The following WDFY2 variants were observed in gnomAD, a reference collection of about 807,000 sequenced individuals.
WDFY2 encodes the protein WD repeat and FYVE domain containing 2, also known as WD repeat and FYVE domain-containing protein 2.
In WDFY2, 36 loss-of-function variants were observed where a neutral mutation model predicts 56.4. The observed-to-expected ratio is 0.64, with a 90% CI of 0.49 to 0.84. The LOEUF (loss-of-function observed/expected upper bound fraction) is 0.84, where lower values mean the gene tolerates loss of function less well. Among genes scored for constraint, WDFY2 ranks in the 40% least tolerant of loss-of-function variants. The pLI, the probability that WDFY2 is intolerant of heterozygous loss-of-function variation, is 0.00. For synonymous variants in WDFY2, 176 were observed against 183.7 expected (o/e 0.96, Z 0.34); for missense variants, 444 against 512.2 (o/e 0.87, Z 1.29).
chr13:51,613,027 G>C (rs544494266), intron 1 of WDFY2, among the ~76,000 whole-genome samples: 11 of 151,854 alleles, frequency 7.2e-5, no homozygotes, highest in Non-Finnish European at 1.6e-4. Context: ...TGGAGGCCGT[G>C]GTGGCTGATC....
At chr13:51,662,134 C>A (rs1164276799) in intron 2 of WDFY2, among the ~76,000 whole-genome samples, 2 of 152,060 alleles carry the variant, frequency 1.3e-5, no homozygotes, top group African/African-American at 4.8e-5. Context: ...CCACACCCAG[C>A]TAATTTTTGT....
intron 1 of WDFY2, among the ~76,000 whole-genome samples, chr13:51,616,727 TAAG>T (rs1357294884): frequency 2.0e-5 from 3 of 152,330 alleles, no homozygotes; most frequent in African/African-American, 7.2e-5. Flanking sequence ...TGGCTAAATT[TAAG>T]GAGGCTGGAA....
At chr13:51,733,020 G>T (rs906512003) in intron 6 of WDFY2, among the ~76,000 whole-genome samples, 1 of 152,106 alleles carries the variant, frequency 6.6e-6, no homozygotes, top group South Asian at 2.1e-4. Context: ...TTAAAGGGAG[G>T]CTTCCCAAAT....
intron 11 of WDFY2, among the ~76,000 whole-genome samples, chr13:51,758,795 C>T (rs1837603053): frequency 6.6e-6 from 1 of 152,116 alleles, no homozygotes; most frequent in Non-Finnish European, 1.5e-5. Flanking sequence ...GCTCTACCTC[C>T]CTGACCCATT....
chr13:51,721,656 C>T (rs1952493660), intron 5 of WDFY2, among the ~76,000 whole-genome samples: 1 of 152,200 alleles, frequency 6.6e-6, no homozygotes, highest in South Asian at 2.1e-4. Context: ...CAGCCAGCCT[C>T]ACTGTTCAGG....
intron 6 of WDFY2, among the ~76,000 whole-genome samples, chr13:51,733,003 C>T (rs537510467): frequency 1.3e-5 from 2 of 152,204 alleles, no homozygotes; most frequent in South Asian, 2.1e-4. Context: ...ACTCCTCTTG[C>T]GGATAATTAA....
intron 3 of WDFY2, among the ~76,000 whole-genome samples, chr13:51,690,936 C>A (rs1236052261): frequency 6.6e-6 from 1 of 152,200 alleles, no homozygotes; most frequent in Admixed American, 6.5e-5. Context: ...TTGCATTTCT[C>A]TGATGGCCAG....
intron 3 of WDFY2, among the ~76,000 whole-genome samples, chr13:51,702,901 A>G (rs1952013387): frequency 6.6e-6 from 1 of 152,218 alleles, no homozygotes; most frequent in Non-Finnish European, 1.5e-5. Flanking sequence ...CTCATAAACA[A>G]TCAGCTTCTA....
At chr13:51,601,131 C>T (rs1365095968) in intron 1 of WDFY2, among the ~76,000 whole-genome samples, 1 of 152,090 alleles carries the variant, frequency 6.6e-6, no homozygotes, top group Non-Finnish European at 1.5e-5. Context: ...ACACATGGCT[C>T]AACAAAATAT....
chr13:51,640,421 T>G (rs964542546), intron 1 of WDFY2, among the ~76,000 whole-genome samples: 1 of 152,168 alleles, frequency 6.6e-6, no homozygotes, highest in African/African-American at 2.4e-5. Flanking sequence ...CTTCCACCCT[T>G]TGTTGGGTAT....
Position 51,593,925 on chromosome 13 carries a change from A to C in WDFY2, c.137+9101A>C, listed in dbSNP as rs1407391396. On this transcript the variant is annotated intron_variant, in intron 1 of 11. Coordinates refer to ENST00000298125, the MANE Select transcript of WDFY2 (RefSeq NM_052950.4). ...TTTTAAAAATTTTAAAATGAGAGAC[A>C]GGGTCTCACCACGTTGTTCTGGCTG... is the stretch of plus-strand genomic sequence containing the variant. 2.0e-5 allele frequency: 3 copies of C among 152,242 alleles called. No individual in the cohort carries two copies. The South Asian group carries it at 6.2e-4, about 32-fold the overall frequency. The allele number at this position is 152,242 out of a possible 1,614,324, so 9.4% of individuals were successfully genotyped here.
intron 1 of WDFY2, among the ~76,000 whole-genome samples, chr13:51,622,040 T>C (rs376473018): frequency 6.6e-6 from 1 of 152,222 alleles, no homozygotes; most frequent in Admixed American, 6.5e-5. Flanking sequence ...GAAAGATGGA[T>C]TGTTTAGTTT....
At chr13:51,668,905 A>T (rs1054736016) in intron 2 of WDFY2, among the ~76,000 whole-genome samples, 1 of 152,244 alleles carries the variant, frequency 6.6e-6, no homozygotes, top group African/African-American at 2.4e-5. Flanking sequence ...GACAGAAAAT[A>T]CATTAGTCAT....
intron 3 of WDFY2, among the ~76,000 whole-genome samples, chr13:51,696,662 G>A (rs1047531530): frequency 2.0e-5 from 3 of 152,122 alleles, no homozygotes; most frequent in Admixed American, 6.5e-5. Context: ...CGCACCTCTT[G>A]TCTTATACCA....
intron 1 of WDFY2, among the ~76,000 whole-genome samples, chr13:51,608,411 G>A (rs1311563263): frequency 6.6e-6 from 1 of 152,188 alleles, no homozygotes; most frequent in African/African-American, 2.4e-5. Context: ...GCTGGGTGTG[G>A]TGGCTCACGC....
rs751406116 is a variant in WDFY2, at chr13:51,584,765, G to T, written c.78G>T (p.Val26=). 1 of 1,613,964 alleles carries T rather than the reference G, an allele frequency of 6.2e-7. No homozygotes were observed. ...LLQRMEGSQE[V]VNMAVIVPKE... ...AGCGGATGGAGGGGTCCCAGGAGGT[G>T]GTGAATATGGCCGTGATCGTGCCCA... Residue 26 remains valine (V), a synonymous_variant, in exon 1 of 12, where the codon GTG becomes GTT. Transcript: ENST00000298125.
intron 8 of WDFY2, among the ~76,000 whole-genome samples, chr13:51,751,851 A>G (rs1953245198): frequency 6.6e-6 from 1 of 152,234 alleles, no homozygotes. Flanking sequence ...GTACTTTATA[A>G]GTCATGTTCT....
In WDFY2 at chr13:51,732,169, C is replaced by T. The variant is rs867652239; in HGVS notation, c.598+4379C>T. On this transcript the variant is annotated intron_variant, in intron 6 of 11. Coordinates refer to ENST00000298125, the MANE Select transcript of WDFY2 (RefSeq NM_052950.4). ...TTTTTGAGACAGAATCTCGCTCTGT[C>T]GTCCAGGCTGGAGTGCAGTGGCATG... 5.3e-5 allele frequency among the ~76,000 whole-genome samples: 8 copies of T among 152,000 alleles called. No individual in the cohort carries two copies. The South Asian group carries it at 8.3e-4, about 16-fold the overall frequency.
chr13:51,756,972 T>A (rs1953405284), intron 10 of WDFY2, among the ~76,000 whole-genome samples: 1 of 152,210 alleles, frequency 6.6e-6, no homozygotes, highest in Non-Finnish European at 1.5e-5. Flanking sequence ...TACTTACCCC[T>A]TGGTGTGCTG....
Sources: gnomAD v4.1 joint callset for allele counts (sites outside exome capture counted in the v4.1 genomes callset) on GRCh38, gnomAD v4.1.1 for gene constraint, MANE v1.5 for transcripts, NCBI Gene and HGNC (gene_info 2026-07-23, HGNC 2026-07-21) for gene names.